The following PTPRK variants were observed in gnomAD, a reference collection of about 807,000 sequenced individuals.
The protein encoded by PTPRK is receptor-type tyrosine-protein phosphatase kappa.
Under a neutral mutation model 178.0 loss-of-function variants are expected in PTPRK, and 75 were observed. The observed-to-expected ratio is 0.42, with a 90% CI of 0.35 to 0.51. The LOEUF is 0.51. Ranked by LOEUF, PTPRK falls within the 20% of genes least tolerant of loss-of-function variation. The probability of loss-of-function intolerance (pLI) is 0.02; values close to 1 mark genes in which losing one functional copy is unlikely to be tolerated. For synonymous variants in PTPRK, 637 were observed against 620.6 expected, an observed-to-expected ratio of 1.03 and a Z score of -0.39; for missense variants, 1,441 against 1,797.8, an observed-to-expected ratio of 0.80 and a Z score of 3.59.
intron 1 of PTPRK, among the ~76,000 whole-genome samples, chr6:128,511,966 T>A (rs928196229): frequency 6.6e-6 from 1 of 152,166 alleles, no homozygotes; most frequent in African/African-American, 2.4e-5. Context: ...ATTTTTGCAA[T>A]TGCTTTAGGA....
chr6:128,128,971 T>C (rs1207630752), intron 7 of PTPRK, among the ~76,000 whole-genome samples: 1 of 152,252 alleles, frequency 6.6e-6, no homozygotes, highest in Non-Finnish European at 1.5e-5. Flanking sequence ...AAGATGTTAC[T>C]AGTGCCCATT....
At chr6:128,249,003 C>T (rs989695032) in intron 3 of PTPRK, among the ~76,000 whole-genome samples, 2 of 152,022 alleles carry the variant, frequency 1.3e-5, no homozygotes, top group South Asian at 2.1e-4. Flanking sequence ...GCTCTCTCTG[C>T]CTTTTTTTAT....
intron 6 of PTPRK, among the ~76,000 whole-genome samples, chr6:128,206,667 T>A (rs943609991): frequency 1.3e-5 from 2 of 152,170 alleles, no homozygotes; most frequent in Admixed American, 1.3e-4. Context: ...AGTAGCTTCA[T>A]ATAATACCAT....
intron 6 of PTPRK, among the ~76,000 whole-genome samples, chr6:128,200,851 GGGA>G (rs1349538895): frequency 1.5e-4 from 20 of 133,228 alleles, no homozygotes; most frequent in South Asian, 2.7e-4. Context: ...GGAGGAGGGG[GGGA>G]GGAGGAGGGG....
At chr6:128,368,287 C>T (rs1835801281) in intron 2 of PTPRK, among the ~76,000 whole-genome samples, 1 of 151,112 alleles carries the variant, frequency 6.6e-6, no homozygotes. Context: ...GAGCCATGAT[C>T]AACACTTACT....
At chr6:128,285,219 G>A (rs1354807391) in intron 3 of PTPRK, among the ~76,000 whole-genome samples, 1 of 152,082 alleles carries the variant, frequency 6.6e-6, no homozygotes, top group Non-Finnish European at 1.5e-5. Context: ...CAGTTATATC[G>A]AAATGTCATA....
At chr6:128,345,899 T>C (rs1832369268) in intron 2 of PTPRK, among the ~76,000 whole-genome samples, 1 of 152,172 alleles carries the variant, frequency 6.6e-6, no homozygotes, top group Admixed American at 6.5e-5. Flanking sequence ...ATCCTCAAAA[T>C]AGAAGCACTC....
At chr6:128,424,982 G>A (rs541265100) in intron 1 of PTPRK, among the ~76,000 whole-genome samples, 12 of 151,352 alleles carry the variant, frequency 7.9e-5, no homozygotes, top group African/African-American at 2.9e-4. Flanking sequence ...TGGGGAATAG[G>A]TGGTGTTTGA....
At chr6:128,394,318 G>A (rs1253126941) in intron 2 of PTPRK, among the ~76,000 whole-genome samples, 1 of 152,118 alleles carries the variant, frequency 6.6e-6, no homozygotes, top group African/African-American at 2.4e-5. Context: ...TATGAATGCT[G>A]ATGCTATCAA....
At chr6:128,389,733 T>C (rs760645959) in intron 2 of PTPRK, among the ~76,000 whole-genome samples, 2 of 152,040 alleles carry the variant, frequency 1.3e-5, no homozygotes, top group South Asian at 2.1e-4. Flanking sequence ...CCTATATTCA[T>C]TTTTATTTCC....
At chr6:128,212,468 G>T (rs915605463) in intron 6 of PTPRK, among the ~76,000 whole-genome samples, 4 of 151,902 alleles carry the variant, frequency 2.6e-5, no homozygotes, top group African/African-American at 9.7e-5. Flanking sequence ...AGACACTCGG[G>T]CCATGTAGTA....
intron 7 of PTPRK, among the ~76,000 whole-genome samples, chr6:128,116,190 A>C (rs1791501149): frequency 6.6e-6 from 1 of 152,178 alleles, no homozygotes. Context: ...GGGATGGATT[A>C]AGGTTAACAG....
At position 128,519,573 on chromosome 6, in the gene PTPRK, G is replaced by T. The variant is rs1433077010; in HGVS notation, c.100+686C>A. ...GCGAGTCAGGCTTCCTCCACCAGGC[G>T]CCCAGACCTCGATGCCCATGAACGC... On this transcript the variant is annotated intron_variant, in intron 1 of 29. Coordinates refer to ENST00000368226, the MANE Select transcript of PTPRK (RefSeq NM_002844.4). The surrounding 1 kb of genome is among the most constrained non-coding windows in gnomAD (Gnocchi z 4.3). 1.3e-5 allele frequency among the ~76,000 whole-genome samples: 2 copies of T among 152,198 alleles called. No individual in the cohort carries two copies. Among genetic ancestry groups the T allele is most frequent in the African/African-American group, 2.4e-5 (1 of 41,454 alleles).
chr6:128,279,982 T>G (rs1821416970), intron 3 of PTPRK, among the ~76,000 whole-genome samples: 1 of 152,220 alleles, frequency 6.6e-6, no homozygotes, highest in Non-Finnish European at 1.5e-5. Context: ...CCATTGGACA[T>G]GCATGTGTGT....
At chr6:128,385,125 G>A (rs1838516852) in intron 2 of PTPRK, among the ~76,000 whole-genome samples, 1 of 149,102 alleles carries the variant, frequency 6.7e-6, no homozygotes, top group African/African-American at 2.4e-5. Context: ...TTAAAATACT[G>A]GTATTATTCC....
chr6:128,398,089 GA>G (rs1562439925), intron 1 of PTPRK, among the ~76,000 whole-genome samples: 2 of 152,086 alleles, frequency 1.3e-5, no homozygotes, highest in Non-Finnish European at 2.9e-5. Context: ...ATGAAGTAAC[GA>G]AAGCAGAGAT....
intron 2 of PTPRK, among the ~76,000 whole-genome samples, chr6:128,353,579 G>GA (rs1481543301): frequency 2.0e-5 from 3 of 152,142 alleles, no homozygotes; most frequent in African/African-American, 7.2e-5. Flanking sequence ...TATCTAGATT[G>GA]AAAAAACTGA....
At chr6:128,086,398 C>G (rs761293450) in intron 8 of PTPRK, among the ~76,000 whole-genome samples, 1 of 151,918 alleles carries the variant, frequency 6.6e-6, no homozygotes, top group Non-Finnish European at 1.5e-5. Flanking sequence ...AAAACAAAAC[C>G]TCATACAGAA....
intron 13 of PTPRK, among the ~76,000 whole-genome samples, chr6:128,053,781 C>A (rs1779451849): frequency 6.6e-6 from 1 of 152,188 alleles, no homozygotes; most frequent in Non-Finnish European, 1.5e-5. Context: ...CAGGCTCTGA[C>A]AAGGTCTGTG....
Sources: gnomAD v4.1 joint callset for allele counts (sites outside exome capture counted in the v4.1 genomes callset) on GRCh38, gnomAD v4.1.1 for gene constraint, Gnocchi (gnomAD v3.1) non-coding constraint, MANE v1.5 for transcripts, NCBI Gene and HGNC (gene_info 2026-07-23, HGNC 2026-07-21) for gene names.